WWOX: variants seen among roughly 807,000 people sequenced by gnomAD.
WWOX encodes WW domain-containing oxidoreductase.
WWOX carries 69 observed loss-of-function variants against 46.2 expected under a neutral mutation model. The observed-to-expected ratio is 1.49, with a 90% CI of 1.23 to 1.82. The LOEUF is 1.82. Ranked by LOEUF, WWOX falls within the 40% of genes most tolerant of loss-of-function variation. WWOX has a pLI of 0.00. For missense variants in WWOX, 919 were observed against 542.6 expected (o/e 1.69, Z -6.89); for synonymous variants, 359 against 202.6 (o/e 1.77, Z -6.56).
intron 8 of WWOX, among the ~76,000 whole-genome samples, chr16:78,619,775 GGT>G (rs576342724): frequency 2.0e-5 from 3 of 151,982 alleles, no homozygotes; most frequent in Non-Finnish European, 4.4e-5. Context: ...GAGACATGGG[GGT>G]GCATGTCTGT....
At chr16:78,927,519 A>T (rs185475226) in intron 8 of WWOX, among the ~76,000 whole-genome samples, 1 of 152,302 alleles carries the variant, frequency 6.6e-6, no homozygotes, top group African/African-American at 2.4e-5. Flanking sequence ...GCAGGTAGGC[A>T]CTCAATAGAT....
intron 5 of WWOX, among the ~76,000 whole-genome samples, chr16:78,260,686 C>G (rs1356772775): frequency 6.7e-6 from 1 of 149,174 alleles, no homozygotes; most frequent in African/African-American, 2.5e-5. Context: ...AATTAGTTAT[C>G]TCTGCCCTTT....
intron 8 of WWOX, among the ~76,000 whole-genome samples, chr16:78,660,323 G>C (rs1468480901): frequency 6.6e-6 from 1 of 152,294 alleles, no homozygotes; most frequent in South Asian, 2.1e-4. Flanking sequence ...TTCCCTGGCA[G>C]ACAGTGGTTC....
intron 8 of WWOX, among the ~76,000 whole-genome samples, chr16:78,788,631 A>G (rs1231975067): frequency 6.6e-6 from 1 of 152,194 alleles, no homozygotes; most frequent in African/African-American, 2.4e-5. Flanking sequence ...GTGTCTTTTC[A>G]TCTCTGTCCT....
chr16:78,427,219 G>A (rs1597068456), intron 7 of WWOX, among the ~76,000 whole-genome samples: 1 of 151,938 alleles, frequency 6.6e-6, no homozygotes, highest in African/African-American at 2.4e-5. Context: ...CCCTGTTAGG[G>A]GAAAAAAGAA....
At chr16:78,108,300 C>T in intron 1 of WWOX, 123 bp from the exon 2 acceptor site, 8 of 968,806 alleles carry the variant, frequency 8.3e-6, no homozygotes, top group Non-Finnish European at 1.3e-5. Context: ...TCCTCTTTCT[C>T]CTTCTTCCCC....
At chr16:78,177,953 T>C (rs2035403343) in intron 5 of WWOX, among the ~76,000 whole-genome samples, 1 of 152,198 alleles carries the variant, frequency 6.6e-6, no homozygotes, top group African/African-American at 2.4e-5. Context: ...TAATCATCCC[T>C]TTCAATAGTT....
chr16:78,393,511 A>T (rs1043815468), intron 6 of WWOX, among the ~76,000 whole-genome samples: 45 of 152,300 alleles, frequency 3.0e-4, no homozygotes, highest in South Asian at 6.2e-4. Context: ...AAAATTTTTT[A>T]AAAAACGGTT....
intron 8 of WWOX, among the ~76,000 whole-genome samples, chr16:78,522,844 G>T (rs1365966425): frequency 2.0e-5 from 3 of 152,202 alleles, no homozygotes; most frequent in Non-Finnish European, 4.4e-5. Context: ...GGCCAAGGCA[G>T]GTGGATCACT....
intron 8 of WWOX, among the ~76,000 whole-genome samples, chr16:79,163,765 C>G (rs28654957): frequency 7.4e-6 from 1 of 135,692 alleles, no homozygotes; most frequent in South Asian, 2.3e-4. Flanking sequence ...CCATTGCACT[C>G]TGGCCTGGGC....
chr16:78,272,598 T>G (rs2079500446), intron 5 of WWOX, among the ~76,000 whole-genome samples: 1 of 152,176 alleles, frequency 6.6e-6, no homozygotes, highest in African/African-American at 2.4e-5. Flanking sequence ...CAGCAGGTAA[T>G]AATAGCATCT....
intron 8 of WWOX, among the ~76,000 whole-genome samples, chr16:78,627,527 C>T (rs767660404): frequency 1.3e-5 from 2 of 152,014 alleles, no homozygotes; most frequent in African/African-American, 2.4e-5. Flanking sequence ...CAAGAAGTCA[C>T]CAATGAGAGT....
intron 8 of WWOX, among the ~76,000 whole-genome samples, chr16:78,722,216 A>C (rs2048709667): frequency 6.6e-6 from 1 of 152,164 alleles, no homozygotes. Flanking sequence ...CAGCTCCTGT[A>C]GTAGTTATGG....
chr16:78,619,949 G>A (rs1327780772), intron 8 of WWOX, among the ~76,000 whole-genome samples: 1 of 151,968 alleles, frequency 6.6e-6, no homozygotes, highest in African/African-American at 2.4e-5. Flanking sequence ...AGAACCATAG[G>A]CCTTATCTTT....
chr16:78,446,138 G>C (rs73572879), intron 8 of WWOX, among the ~76,000 whole-genome samples: 2,592 of 152,300 alleles, frequency 0.017, 74 homozygotes, highest in African/African-American at 0.058. Flanking sequence ...GGTATCAGTA[G>C]GGATCATTCA....
chr16:78,616,657 C>G (rs913792020), intron 8 of WWOX, among the ~76,000 whole-genome samples: 2 of 151,790 alleles, frequency 1.3e-5, no homozygotes, highest in Admixed American at 6.6e-5. Flanking sequence ...TAATCCCAGC[C>G]ACTTGGAAGG....
intron 8 of WWOX, among the ~76,000 whole-genome samples, chr16:78,516,634 TCTC>T (rs2043241644): frequency 6.6e-6 from 1 of 152,190 alleles, no homozygotes; most frequent in South Asian, 2.1e-4. Flanking sequence ...ACGTGTATTG[TCTC>T]CTCCTATTCC....
At chr16:78,467,169 T>TA (rs1567590094) in intron 8 of WWOX, among the ~76,000 whole-genome samples, 1 of 152,126 alleles carries the variant, frequency 6.6e-6, no homozygotes, top group Admixed American at 6.5e-5. Flanking sequence ...TCCTTCTTTT[T>TA]AAAAAAAATT....
At chr16:78,120,657 A>T (rs1322429733) in intron 4 of WWOX, among the ~76,000 whole-genome samples, 1 of 152,012 alleles carries the variant, frequency 6.6e-6, no homozygotes, top group Non-Finnish European at 1.5e-5. Context: ...GTCTTAGCTT[A>T]GAGAGCCTAC....
Sources: gnomAD v4.1 joint callset for allele counts (sites outside exome capture counted in the v4.1 genomes callset) on GRCh38, gnomAD v4.1.1 for gene constraint, MANE v1.5 for transcripts, NCBI Gene and HGNC (gene_info 2026-07-23, HGNC 2026-07-21) for gene names.